MRPS6: variants seen among roughly 807,000 people sequenced by gnomAD.
MRPS6 encodes mitochondrial ribosomal protein S6.
MRPS6 carries 6 observed loss-of-function variants against 13.1 expected under a neutral mutation model. The ratio of observed to expected loss-of-function variants is 0.46; its 90% CI spans 0.25 to 0.91. The LOEUF is 0.91. MRPS6 is among the 40% of genes least tolerant of loss of function. The probability of loss-of-function intolerance (pLI) is 0.18; values close to 1 mark genes in which losing one functional copy is unlikely to be tolerated. For missense variants in MRPS6, 164 were observed against 155.6 expected, an observed-to-expected ratio of 1.05 and a Z score of -0.29; for synonymous variants, 61 against 56.5, an observed-to-expected ratio of 1.08 and a Z score of -0.36.
chr21:34,135,461 G>A, intron 2 of MRPS6: 2 of 486,002 alleles, frequency 4.1e-6, no homozygotes, highest in South Asian at 1.6e-5. Flanking sequence ...ACACATGCCA[G>A]CTCATCCTTC....
At chr21:34,142,056 T>G (rs1215702170) in intron 2 of MRPS6, among the ~76,000 whole-genome samples, 1 of 152,218 alleles carries the variant, frequency 6.6e-6, no homozygotes, top group Non-Finnish European at 1.5e-5. Flanking sequence ...AATGAATAGT[T>G]TGGAAAATTC....
chr21:34,082,246 T>G (rs1332710632), intron 1 of MRPS6, among the ~76,000 whole-genome samples: 1 of 152,166 alleles, frequency 6.6e-6, no homozygotes, highest in African/African-American at 2.4e-5. Flanking sequence ...TGGTTTGCAG[T>G]AGGACTGATT....
rs1980360776 is a variant in MRPS6, at chr21:34,127,808, T to G, written c.185+2328T>G. On this transcript the variant is annotated intron_variant, in intron 2 of 2. Transcript: ENST00000399312. ...ATAGCCACAGAAAGTGTTAGAAACA[T>G]GTAATAAGTGGATTATGTACTGGGA... Among the ~76,000 whole-genome samples the G allele has an allele frequency of 4.6e-5, 7 of 152,348 alleles. No individual in the cohort carries two copies. The South Asian group carries it at 1.4e-3, about 32-fold the overall frequency.
chr21:34,073,989 GCCT>G, intron 1 of MRPS6, among the ~76,000 whole-genome samples: 1 of 146,254 alleles, frequency 6.8e-6, no homozygotes, highest in East Asian at 2.0e-4. Flanking sequence ...GGGAGGGTGT[GCCT>G]CGCAAGCGGC....
intron 1 of MRPS6, chr21:34,101,976 G>C (rs1979257537): frequency 1.0e-6 from 1 of 1,000,092 alleles, no homozygotes; most frequent in African/African-American, 1.7e-5. Context: ...TTTTTTTGCA[G>C]TAAAAGTAAA....
intron 1 of MRPS6, among the ~76,000 whole-genome samples, chr21:34,077,492 C>T (rs1349245106): frequency 6.6e-6 from 1 of 152,140 alleles, no homozygotes; most frequent in Non-Finnish European, 1.5e-5. Flanking sequence ...GGAATTTTTA[C>T]ATGAAGAATT....
At chr21:34,078,977 T>C (rs1311752218) in intron 1 of MRPS6, among the ~76,000 whole-genome samples, 1 of 152,264 alleles carries the variant, frequency 6.6e-6, no homozygotes, top group Non-Finnish European at 1.5e-5. Flanking sequence ...CTTAAGGAAT[T>C]AGTCAAATGA....
At chr21:34,134,567 T>C (rs1283650329) in intron 2 of MRPS6, among the ~76,000 whole-genome samples, 1 of 152,226 alleles carries the variant, frequency 6.6e-6, no homozygotes, top group East Asian at 1.9e-4. Context: ...GTTTGACATA[T>C]GTATACACTC....
intron 2 of MRPS6, among the ~76,000 whole-genome samples, chr21:34,136,903 GA>G (rs1980723470): frequency 6.6e-6 from 1 of 152,134 alleles, no homozygotes; most frequent in Non-Finnish European, 1.5e-5. Context: ...GTCCCATTTT[GA>G]GTTAATTTTT....
rs532811229 is a variant in MRPS6 at position 34,103,325 on chromosome 21, A to AC, written c.46-22016_46-22015insC. ...AACTAGTGAAGGAAGTAAAAAAAAA[A>AC]AAAAAACATGCATTACATTGACATA... On this transcript the variant is annotated intron_variant, in intron 1 of 2. Transcript: ENST00000399312. 1.4e-5 allele frequency: 14 copies of AC among 999,154 alleles called. No individual in the cohort carries two copies. In the East Asian group the frequency reaches 3.4e-4, roughly 24 times the overall value. 61.9% of individuals were successfully genotyped at this position (999,154 alleles called of 1,614,324 possible).
At position 34,075,256 on chromosome 21, in the gene MRPS6, G is replaced by T. The variant is rs576908135; in HGVS notation, c.45+1511G>T. On this transcript the variant is annotated intron_variant, in intron 1 of 2. Coordinates refer to ENST00000399312, the MANE Select transcript of MRPS6 (RefSeq NM_032476.4). ...TCTTGGGGAGGTAGCAGGTGACACT[G>T]AAAGAGGCAACCTGTAGGCAATAAT... Among the ~76,000 whole-genome samples, 32 of 152,328 alleles carry T rather than the reference G, an allele frequency of 2.1e-4. No homozygotes were observed. In the East Asian group the frequency reaches 6.0e-3, roughly 28 times the overall value.
rs1325268695 is a variant in MRPS6 at position 34,087,799 on chromosome 21, T to C, written c.45+14054T>C. 2.0e-5 allele frequency among the ~76,000 whole-genome samples: 3 copies of C among 152,360 alleles called. No individual in the cohort carries two copies. In the East Asian group the frequency reaches 5.8e-4, roughly 29 times the overall value. On this transcript the variant is annotated intron_variant, in intron 1 of 2. Transcript: ENST00000399312. ...GCATGGAGACAAGAGGCTGGGACAG[T>C]GATCTGGATGAGATGGAATGGTGAT...
intron 1 of MRPS6, chr21:34,102,178 C>T (rs1268701562): frequency 1.0e-6 from 1 of 999,818 alleles, no homozygotes; most frequent in Non-Finnish European, 1.2e-6. Flanking sequence ...AGCTGTTCAG[C>T]TACTTTGACT....
At position 34,125,455 on chromosome 21, in the gene MRPS6, C is replaced by G. The variant is rs184145832; in HGVS notation, c.160C>G (p.His54Asp). The G allele has an allele frequency of 9.3e-6, 15 of 1,614,030 alleles. No individual in the cohort carries two copies. Among genetic ancestry groups the G allele is most frequent in the Non-Finnish European group, 1.2e-5 (14 of 1,179,942 alleles). ...ERALPYRISA[H>D]SQQHNRGGYF... ...AGCGCTTCCTTATAGGATCTCTGCC[C>G]ACAGTCAGCAGCACAACAGAGGCGG... The change falls in exon 2 of 3, where the codon CAC (histidine) becomes GAC (aspartate). Residue 54 changes from histidine to aspartate, a missense_variant. Physicochemically the swap from His to Asp is moderately conservative, Grantham distance 81. Coordinates refer to ENST00000399312, the MANE Select transcript of MRPS6 (RefSeq NM_032476.4).
chr21:34,081,244 T>G (rs1989452114), intron 1 of MRPS6, among the ~76,000 whole-genome samples: 1 of 152,074 alleles, frequency 6.6e-6, no homozygotes, highest in Non-Finnish European at 1.5e-5. Flanking sequence ...AGATGTCGCT[T>G]AGATCAAGCA....
At chr21:34,095,876 C>A (rs1252808707) in intron 1 of MRPS6, 8 of 1,614,080 alleles carry the variant, frequency 5.0e-6, no homozygotes, top group Non-Finnish European at 6.8e-6. Flanking sequence ...ATGTCACTTC[C>A]ATCTTATTGA....
At chr21:34,123,751 C>G (rs1034396400) in intron 1 of MRPS6, 4 of 151,958 alleles carry the variant, frequency 2.6e-5, no homozygotes, top group Admixed American at 2.0e-4. Context: ...TCCCTGGAGC[C>G]CTGGCATTTT....
At chr21:34,141,362 G>T (rs1007907406) in intron 2 of MRPS6, among the ~76,000 whole-genome samples, 1 of 152,152 alleles carries the variant, frequency 6.6e-6, no homozygotes, top group Non-Finnish European at 1.5e-5. Flanking sequence ...GGAGCTAGGA[G>T]GGTGCTGCTT....
In MRPS6 at chr21:34,103,864, T is replaced by A. The variant is rs150731883; in HGVS notation, c.46-21477T>A. 9.8e-4 allele frequency: 981 copies of A among 1,000,146 alleles called. 10 individuals are homozygous for A. The African/African-American group carries it at 0.016, about 16-fold the overall frequency. 62.0% of individuals were successfully genotyped at this position (1,000,146 alleles called of 1,614,324 possible). A position where few individuals can be genotyped will look rare whatever the true frequency, so the allele number is the denominator to read the frequency against. On this transcript the variant is annotated intron_variant, in intron 1 of 2. Transcript: ENST00000399312. ...GGGGGTTACTAGCTAAAATGGGGTT[T>A]GAGGGCTTTTTACTGCAACTTGAAA...
Sources: allele counts gnomAD v4.1 joint callset (sites outside exome capture counted in the v4.1 genomes callset), GRCh38; gene constraint gnomAD v4.1.1; transcripts MANE v1.5; gene names NCBI Gene and HGNC (gene_info 2026-07-23, HGNC 2026-07-21).